Variants in RFFL observed in about 807,000 individuals in gnomAD.
The protein encoded by RFFL is E3 ubiquitin-protein ligase rififylin.
RFFL carries 16 observed loss-of-function variants against 40.4 expected under a neutral mutation model. The observed-to-expected ratio is 0.40, with a 90% confidence interval of 0.27 to 0.60. RFFL has a LOEUF of 0.60. Ranked by LOEUF, RFFL falls within the 20% of genes least tolerant of loss-of-function variation. The pLI is 0.47. For missense variants in RFFL, 367 were observed against 451.7 expected, an observed-to-expected ratio of 0.81 and a Z score of 1.70; for synonymous variants, 154 against 167.9, an observed-to-expected ratio of 0.92 and a Z score of 0.64.
Position 35,053,749 on chromosome 17 carries a change from C to T in RFFL, c.-9+9827G>A, listed in dbSNP as rs553761539. Among the ~76,000 whole-genome samples, 162 of 152,320 alleles carry T rather than the reference C, an allele frequency of 1.1e-3. 1 individual carries two copies. Among genetic ancestry groups the T allele is most frequent in the Non-Finnish European group, 1.7e-3 (118 of 68,026 alleles). ...TCTTTTTTGTAACTATATTCTCCCCCACAAACCATTCTATCTTATAAATCC... is the reference window on the plus strand; with the variant it reads ...TCTTTTTTGTAACTATATTCTCCCCTACAAACCATTCTATCTTATAAATCC... On this transcript the variant is annotated intron_variant, in intron 1 of 6. Coordinates refer to ENST00000394597, the MANE Select transcript of RFFL (RefSeq NM_001017368.2).
intron 1 of RFFL, among the ~76,000 whole-genome samples, chr17:35,077,590 T>C (rs928300254): frequency 6.6e-6 from 1 of 152,198 alleles, no homozygotes; most frequent in African/African-American, 2.4e-5. Flanking sequence ...TTTCACACTA[T>C]GAAGTGCCAG....
chr17:35,038,384 T>TGC (rs1462862306), intron 1 of RFFL, among the ~76,000 whole-genome samples: 1 of 152,014 alleles, frequency 6.6e-6, no homozygotes, highest in Non-Finnish European at 1.5e-5. Flanking sequence ...TGTGTGTGTG[T>TGC]GCGCGCGCGT....
intron 4 of RFFL, 125 bp from the exon 5 acceptor site, chr17:35,016,705 G>A: frequency 1.5e-6 from 1 of 684,220 alleles, no homozygotes; most frequent in Non-Finnish European, 2.5e-6. Flanking sequence ...TAGGAACAGA[G>A]ACAGGATGAG....
chr17:35,012,390 A>G (rs955553490), intron 6 of RFFL, among the ~76,000 whole-genome samples: 2 of 152,236 alleles, frequency 1.3e-5, no homozygotes, highest in Non-Finnish European at 2.9e-5. Flanking sequence ...AAAAGTACAC[A>G]GCACTTGTGG....
chr17:35,046,874 CAGAGA>C (rs1355248792), intron 1 of RFFL, among the ~76,000 whole-genome samples: 1 of 152,216 alleles, frequency 6.6e-6, no homozygotes, highest in African/African-American at 2.4e-5. Flanking sequence ...AACACCGCAG[CAGAGA>C]AACCTACGCT....
intron 1 of RFFL, among the ~76,000 whole-genome samples, chr17:35,072,745 T>C (rs908776194): frequency 7.6e-5 from 11 of 145,536 alleles, no homozygotes; most frequent in Admixed American, 6.0e-4. Flanking sequence ...AAAAATAAAG[T>C]ATAAAAAAAA....
In RFFL at chr17:35,007,354, T is replaced by A. The variant is rs886666525; in HGVS notation, c.*4614A>T. ...TGAGATCTGACTGTATATACTATTT[T>A]GTATCCTTTCATGTATTTCTTTCAT... On this transcript the variant is annotated 3_prime_UTR_variant, in exon 7 of 7. Transcript: ENST00000394597. 1 of 152,278 alleles carries A rather than the reference T, an allele frequency of 6.6e-6. No individual in the cohort carries two copies. Among genetic ancestry groups the A allele is most frequent in the Non-Finnish European group, 1.5e-5 (1 of 68,058 alleles). 9.4% of individuals were successfully genotyped at this position (152,278 alleles called of 1,614,324 possible).
rs772393693 is a variant in RFFL, at chr17:35,021,441, G to A, written c.521C>T (p.Ser174Leu). The A allele has an allele frequency of 9.1e-6, 14 of 1,544,446 alleles. No individual in the cohort carries two copies. In the East Asian group the frequency reaches 2.2e-4, roughly 25 times the overall value. Residue 174 changes from serine (S) to leucine (L), a missense_variant, in exon 3 of 7, where the codon TCA becomes TTA. By Grantham distance (145) the Ser-to-Leu change is moderately radical. Coordinates refer to ENST00000394597, the MANE Select transcript of RFFL (RefSeq NM_001017368.2). ...TGCAGATGAAGAGGGGAGGTTGGGTGAGGTAGGTGGAACCATGCTGGAGTG... is the reference window on the plus strand; with the variant it reads ...TGCAGATGAAGAGGGGAGGTTGGGTAAGGTAGGTGGAACCATGCTGGAGTG... ...QPHSSMVPPT[S>L]PNLPSSSAQA... is the part of the protein sequence containing the mutation.
rs370892658 is a variant in RFFL at position 35,053,568 on chromosome 17, C to T, written c.-9+10008G>A. ...GGGCAGAGGGACTTGGTTCAAATCT[C>T]AGTTCAGCATCTTATCAGCTTGAAG... On this transcript the variant is annotated intron_variant, in intron 1 of 6. Coordinates refer to ENST00000394597, the MANE Select transcript of RFFL (RefSeq NM_001017368.2). 1.1e-3 allele frequency among the ~76,000 whole-genome samples: 170 copies of T among 152,268 alleles called. 1 individual carries two copies. The highest frequency in any genetic ancestry group is 3.9e-3 in the African/African-American group (164 of 41,562).
intron 1 of RFFL, among the ~76,000 whole-genome samples, chr17:35,084,473 G>C (rs1328544396): frequency 6.6e-6 from 1 of 151,838 alleles, no homozygotes. Context: ...ACACATCTGT[G>C]GTCCCAGCTA....
chr17:35,032,679 G>C (rs972659719), intron 1 of RFFL, among the ~76,000 whole-genome samples: 2 of 152,052 alleles, frequency 1.3e-5, no homozygotes, highest in Non-Finnish European at 1.5e-5. Flanking sequence ...TGGCCCACTG[G>C]AAGTACGTAA....
upstream of RFFL, among the ~76,000 whole-genome samples, chr17:35,065,556 C>T (rs528591538): frequency 1.2e-4 from 16 of 133,964 alleles, no homozygotes; most frequent in East Asian, 3.4e-3. Flanking sequence ...AAAACTTCGT[C>T]TCAAAAAAAA....
upstream of RFFL, among the ~76,000 whole-genome samples, chr17:35,067,699 C>G (rs2091327550): frequency 6.6e-6 from 1 of 152,134 alleles, no homozygotes; most frequent in Non-Finnish European, 1.5e-5. Flanking sequence ...AAGTGATCCG[C>G]CCGTCTCAGC....
chr17:35,074,530 C>G (rs1195452821), intron 1 of RFFL, among the ~76,000 whole-genome samples: 1 of 152,140 alleles, frequency 6.6e-6, no homozygotes, highest in Non-Finnish European at 1.5e-5. Flanking sequence ...TAGTTGACAG[C>G]TCAACCTTGA....
chr17:35,028,113 T>C (rs987080554), intron 1 of RFFL, among the ~76,000 whole-genome samples: 16 of 151,524 alleles, frequency 1.1e-4, no homozygotes, highest in African/African-American at 1.9e-4. Context: ...GGTGGGAAGA[T>C]TGCTTGAGCT....
intron 6 of RFFL, among the ~76,000 whole-genome samples, chr17:35,012,990 C>CA (rs2090950428): frequency 2.6e-5 from 4 of 152,374 alleles, no homozygotes; most frequent in African/African-American, 7.2e-5. Context: ...GAATGAACAT[C>CA]TTCCCAAGGG....
At chr17:35,014,804 G>T (rs1488429682) in intron 5 of RFFL, 41 bp from the exon 6 acceptor site, 3 of 1,596,414 alleles carry the variant, frequency 1.9e-6, no homozygotes, top group Non-Finnish European at 2.6e-6. Context: ...GGTAAGGCAT[G>T]ATGGTACAAA....
At position 35,072,719 on chromosome 17, in the gene RFFL, G is replaced by C. The variant is rs545542754; in HGVS notation, c.-9+16386C>G. Reference sequence around the variant, plus strand: ...GTGTAGTGTTTTTGCAACTTCCTGTGAATCTATAATTACCTAAAAATAAAG... The same window carrying C: ...GTGTAGTGTTTTTGCAACTTCCTGTCAATCTATAATTACCTAAAAATAAAG... On this transcript the variant is annotated intron_variant, in intron 1 of 6. Transcript: ENST00000315249. Among the ~76,000 whole-genome samples, 6 of 151,620 alleles carry C rather than the reference G, an allele frequency of 4.0e-5. No homozygotes were observed. In the South Asian group the frequency reaches 1.0e-3, roughly 26 times the overall value.
chr17:35,034,011 C>T (rs568663664), intron 1 of RFFL, among the ~76,000 whole-genome samples: 312 of 151,772 alleles, frequency 2.1e-3, no homozygotes, highest in Middle Eastern at 0.014. Context: ...GACGTGGTGG[C>T]GGGCGCCTGT....
Sources: allele counts gnomAD v4.1 joint callset (sites outside exome capture counted in the v4.1 genomes callset), GRCh38; gene constraint gnomAD v4.1.1; transcripts MANE v1.5; gene names NCBI Gene and HGNC (gene_info 2026-07-23, HGNC 2026-07-21).